Variants in AP4E1 observed in about 807,000 individuals in gnomAD.
AP4E1 encodes AP-4 complex subunit epsilon-1.
In AP4E1, 56 loss-of-function variants were observed where a neutral mutation model predicts 128.2. The ratio of observed to expected loss-of-function variants is 0.44; its 90% CI spans 0.35 to 0.55. The LOEUF (loss-of-function observed/expected upper bound fraction) is 0.55. Ranked by LOEUF, AP4E1 falls within the 20% of genes least tolerant of loss-of-function variation. The pLI, the probability that AP4E1 is intolerant of heterozygous loss-of-function variation, is 0.00. For missense variants in AP4E1, 1,324 were observed against 1,307.7 expected, an observed-to-expected ratio of 1.01 and a Z score of -0.19; for synonymous variants, 484 against 473.1, an observed-to-expected ratio of 1.02 and a Z score of -0.30.
Position 50,924,063 on chromosome 15 carries a change from C to T in AP4E1, c.420+59C>T, listed in dbSNP as rs2063740368. ...TAATTCTTGTCAGCACCTGATATTTCTCCTCGATCATATTCAACTAGATGA... is the reference window on the plus strand; with the variant it reads ...TAATTCTTGTCAGCACCTGATATTTTTCCTCGATCATATTCAACTAGATGA... On this transcript the variant is annotated intron_variant, in intron 4 of 20. Transcript: ENST00000261842. The T allele has an allele frequency of 1.6e-5, 22 of 1,380,330 alleles. No homozygotes were observed. In the South Asian group the frequency reaches 2.5e-4, roughly 15 times the overall value. 85.5% of individuals were successfully genotyped at this position (1,380,330 alleles called of 1,614,324 possible). A position where few individuals can be genotyped will look rare whatever the true frequency, so the allele number is the denominator to read the frequency against.
At chr15:50,918,273 A>G (rs977161673) in intron 3 of AP4E1, among the ~76,000 whole-genome samples, 2 of 152,154 alleles carry the variant, frequency 1.3e-5, no homozygotes, top group Non-Finnish European at 1.5e-5. Flanking sequence ...GAGTTCTGAA[A>G]TGAAACTACC....
chr15:50,920,075 T>TAA (rs759743982), intron 3 of AP4E1, among the ~76,000 whole-genome samples: 5 of 88,166 alleles, frequency 5.7e-5, no homozygotes, highest in African/African-American at 1.3e-4. Context: ...ATAATATGTC[T>TAA]AAAAAAAAAA....
Position 50,945,428 on chromosome 15 carries a change from C to G in AP4E1, c.1177-2592C>G, listed in dbSNP as rs1041528497. ...CCTATGGAAGCTTTCATTTTTACGG[C>G]AGCAAATGAAGACTATAACTTACAT... is the stretch of plus-strand genomic sequence containing the variant. On this transcript the variant is annotated intron_variant, in intron 10 of 20. Transcript: ENST00000261842. 3 of 777,260 alleles carry G rather than the reference C, an allele frequency of 3.9e-6. No individual in the cohort carries two copies. In the African/African-American group the frequency reaches 5.1e-5, roughly 13 times the overall value. 48.1% of individuals were successfully genotyped at this position (777,260 alleles called of 1,614,324 possible). A position where few individuals can be genotyped will look rare whatever the true frequency, so the allele number is the denominator to read the frequency against.
chr15:50,997,903 T>C lies in AP4E1; in HGVS notation c.2904+20T>C. 6.4e-7 allele frequency: 1 copy of C among 1,558,330 alleles called. No homozygotes were observed. The highest frequency in any genetic ancestry group is 8.7e-7 in the Non-Finnish European group (1 of 1,143,470). ...TTCAAGGTAAAATTTAAAGGTATTATTGTTTTATTTTCAGTGTATATTTTG... is the reference window on the plus strand; with the variant it reads ...TTCAAGGTAAAATTTAAAGGTATTACTGTTTTATTTTCAGTGTATATTTTG... On this transcript the variant is annotated intron_variant, in intron 18 of 20. Transcript: ENST00000261842.
intron 13 of AP4E1, among the ~76,000 whole-genome samples, chr15:50,950,470 TTTTC>T (rs1454925893): frequency 1.3e-5 from 2 of 152,222 alleles, no homozygotes; most frequent in African/African-American, 4.8e-5. Context: ...ACTATATTAG[TTTTC>T]TTTTTTAAAA....
chr15:50,966,264 A>T (rs2064390468), intron 14 of AP4E1, among the ~76,000 whole-genome samples: 1 of 152,224 alleles, frequency 6.6e-6, no homozygotes, highest in Non-Finnish European at 1.5e-5. Context: ...TTAGCTGAGA[A>T]AGAGAAAATA....
At chr15:51,000,588 T>C (rs1051775771) in intron 19 of AP4E1, among the ~76,000 whole-genome samples, 2 of 152,178 alleles carry the variant, frequency 1.3e-5, no homozygotes, top group African/African-American at 2.4e-5. Context: ...TTAAAAAATG[T>C]GTTTGTTAAA....
chr15:50,915,475 C>A lies in AP4E1; in HGVS notation c.250C>A (p.Leu84Ile), dbSNP rs748732933. ...LKMMKECMVR[L>I]IYCEMLGYDA... ...AATGATGAAGGAATGTATGGTGAGACTTATATATTGTGAAATGCTTGGATA... is the reference window on the plus strand; with the variant it reads ...AATGATGAAGGAATGTATGGTGAGAATTATATATTGTGAAATGCTTGGATA... The change falls in exon 3 of 21, where the codon CTT becomes ATT. Residue 84 changes from leucine (L) to isoleucine (I), a missense_variant. Physicochemically the swap from Leu to Ile is conservative, Grantham distance 5. Transcript: ENST00000261842. 6.8e-6 allele frequency: 11 copies of A among 1,613,284 alleles called. No individual in the cohort carries two copies. The highest frequency in any genetic ancestry group is 6.8e-6 in the Non-Finnish European group (8 of 1,179,502).
chr15:50,962,567 G>A (rs561143052), intron 14 of AP4E1, among the ~76,000 whole-genome samples: 54 of 151,820 alleles, frequency 3.6e-4, no homozygotes, highest in Admixed American at 3.2e-3. Flanking sequence ...ATAATGAAAC[G>A]AGATCCCTAT....
chr15:50,992,370 A>C (rs1453871585), intron 16 of AP4E1, among the ~76,000 whole-genome samples: 1 of 152,140 alleles, frequency 6.6e-6, no homozygotes, highest in Non-Finnish European at 1.5e-5. Context: ...CCATTTTTCA[A>C]GGGTCATTGG....
At chr15:50,971,436 G>A (rs1234717917) in intron 15 of AP4E1, among the ~76,000 whole-genome samples, 1 of 152,054 alleles carries the variant, frequency 6.6e-6, no homozygotes, top group Non-Finnish European at 1.5e-5. Context: ...ACCTGCTTGG[G>A]GTTGAATCTG....
intron 14 of AP4E1, among the ~76,000 whole-genome samples, chr15:50,961,031 C>T (rs577330249): frequency 2.4e-4 from 37 of 151,908 alleles, no homozygotes; most frequent in Admixed American, 1.4e-3. Context: ...CTGATGGAAA[C>T]GAATAAATTC....
chr15:50,983,984 T>G, intron 15 of AP4E1, 38 bp from the exon 16 acceptor site: 1 of 1,604,704 alleles, frequency 6.2e-7, no homozygotes, highest in South Asian at 1.1e-5. Flanking sequence ...TTTGCTTTGT[T>G]TTAAATATGA....
chr15:50,913,274 C>G (rs1299919367), intron 2 of AP4E1, among the ~76,000 whole-genome samples: 5 of 152,134 alleles, frequency 3.3e-5, no homozygotes, highest in Non-Finnish European at 7.3e-5. Flanking sequence ...GTATGTGTGT[C>G]TGTGGCTATG....
chr15:50,941,110 G>T (rs1694127382), intron 8 of AP4E1, among the ~76,000 whole-genome samples: 1 of 152,132 alleles, frequency 6.6e-6, no homozygotes, highest in Admixed American at 6.6e-5. Context: ...CTTGAGGGCA[G>T]GATGTTTTTT....
In AP4E1 at chr15:51,003,770, T is replaced by C. The variant is rs1268864310; in HGVS notation, c.*1108T>C. 6.6e-6 allele frequency: 1 copy of C among 152,514 alleles called. No homozygotes were observed. Among genetic ancestry groups the C allele is most frequent in the East Asian group, 1.9e-4 (1 of 5,198 alleles). 9.4% of individuals were successfully genotyped at this position (152,514 alleles called of 1,614,324 possible). ...TAAAATCTTATGGTGCTGTGGAAAA[T>C]ATTTATTATTTCACCTTTTCTGACA... On this transcript the variant is annotated 3_prime_UTR_variant, in exon 21 of 21. Transcript: ENST00000261842.
Position 50,984,139 on chromosome 15 carries a change from T to C in AP4E1, c.2084T>C (p.Leu695Pro), listed in dbSNP as rs2064683056. Residue 695 changes from leucine to proline, a missense_variant, in exon 16 of 21, where the codon CTG (leucine) becomes CCG (proline). Physicochemically the swap from Leu to Pro is moderately conservative, Grantham distance 98. Transcript: ENST00000261842. Reference sequence around the variant, plus strand: ...TCTGGGAATAGTGCTGAGACAGGACTGAAAGAGTAAGTTCATTTCTTATTA... The same window carrying C: ...TCTGGGAATAGTGCTGAGACAGGACCGAAAGAGTAAGTTCATTTCTTATTA... ...DVSGNSAETG[L>P]KETNSLKLEG... The C allele has an allele frequency of 1.2e-6, 2 of 1,613,174 alleles. No individual in the cohort carries two copies. The highest frequency in any genetic ancestry group is 2.2e-5 in the East Asian group (1 of 44,842).
rs2064924216 is a variant in AP4E1, at chr15:50,999,232, C to G, written c.3065C>G (p.Ser1022Cys). 1 of 1,612,148 alleles carries G rather than the reference C, an allele frequency of 6.2e-7. No homozygotes were observed. Among genetic ancestry groups the G allele is most frequent in the Non-Finnish European group, 8.5e-7 (1 of 1,179,052 alleles). ...ACTCATTCTGCTCAGCTGGAATTTTCTGTAAACTTATCACTATTAGATTTC... is the reference window on the plus strand; with the variant it reads ...ACTCATTCTGCTCAGCTGGAATTTTGTGTAAACTTATCACTATTAGATTTC... The part of the protein sequence containing the change: ...MDTHSAQLEF[S>C]VNLSLLDFIR... The change falls in exon 19 of 21, where the codon TCT (serine) becomes TGT (cysteine). Residue 1022 changes from serine to cysteine, a missense_variant. Coordinates refer to ENST00000261842, the MANE Select transcript of AP4E1 (RefSeq NM_007347.5).
At chr15:50,987,340 G>T (rs2064742917) in intron 16 of AP4E1, among the ~76,000 whole-genome samples, 1 of 152,066 alleles carries the variant, frequency 6.6e-6, no homozygotes, top group South Asian at 2.1e-4. Flanking sequence ...CTTGCCTTCT[G>T]CCAGCTTTTG....
Sources: gnomAD v4.1 joint callset for allele counts (sites outside exome capture counted in the v4.1 genomes callset) on GRCh38, gnomAD v4.1.1 for gene constraint, MANE v1.5 for transcripts, NCBI Gene and HGNC (gene_info 2026-07-23, HGNC 2026-07-21) for gene names.